Variants in ATP13A2 observed in about 807,000 individuals in gnomAD.
ATP13A2 encodes the protein polyamine-transporting ATPase 13A2.
A neutral mutation model predicts 138.3 loss-of-function variants in ATP13A2; 83 were observed. The observed-to-expected ratio is 0.60, with a 90% CI of 0.50 to 0.72. The LOEUF is 0.72. ATP13A2 is among the 30% of genes least tolerant of loss of function. ATP13A2 has a pLI of 0.00. For missense variants in ATP13A2, 1,402 were observed against 1,606.4 expected (o/e 0.87, Z 2.17); for synonymous variants, 663 against 699.0 (o/e 0.95, Z 0.81).
intron 23 of ATP13A2, 89 bp from the exon 24 acceptor site, chr1:16,988,563 T>G: frequency 1.3e-6 from 2 of 1,542,500 alleles, no homozygotes; most frequent in South Asian, 2.2e-5. Flanking sequence ...GCTGGGCCCC[T>G]AATGCCACAT....
At position 16,993,817 on chromosome 1, in the gene ATP13A2, C is replaced by T. The variant is rs771273433; in HGVS notation, c.1561G>A (p.Asp521Asn). ...CFDKTGTLTE[D>N]GLDVMGVVPL... ...ACCACCCCCATCACGTCTAAGCCGT[C>T]CTCAGTGAGGGTGCCCGTCTGTGGG... Residue 521 changes from aspartate (D) to asparagine (N), a missense_variant, in exon 16 of 29, where the codon GAC becomes AAC. Asp to Asn is a conservative substitution (Grantham distance 23). Coordinates refer to ENST00000326735, the MANE Select transcript of ATP13A2 (RefSeq NM_022089.4). The T allele has an allele frequency of 1.3e-6, 2 of 1,568,706 alleles. No individual in the cohort carries two copies. The highest frequency in any genetic ancestry group is 2.4e-5 in the East Asian group (1 of 42,444).
rs1445951093 is a variant in ATP13A2, at chr1:16,989,781, A to G, written c.2530-11T>C. 2.5e-6 allele frequency: 4 copies of G among 1,613,950 alleles called. No individual in the cohort carries two copies. In the South Asian group the frequency reaches 4.4e-5, roughly 18 times the overall value. On this transcript the variant is annotated splice_polypyrimidine_tract_variant and intron_variant, in intron 22 of 28. Transcript: ENST00000326735. The stretch of plus-strand genomic sequence containing the variant: ...GCCCTGGACCAGGACCTGGGAGCAC[A>G]GGGAGATGGGGGAGGGCTGAGGCAC...
chr1:17,004,725 G>C lies in ATP13A2; in HGVS notation c.444C>G (p.Leu148=). 1 of 1,614,130 alleles carries C rather than the reference G, an allele frequency of 6.2e-7. No homozygotes were observed. Among genetic ancestry groups the C allele is most frequent in the Non-Finnish European group, 8.5e-7 (1 of 1,180,028 alleles). Residue 148 remains leucine (L), a synonymous_variant, in exon 5 of 29, where the codon CTC becomes CTG. Transcript: ENST00000326735. This position sits in a 1 kb window ranked among gnomAD's most constrained non-coding sequence, Gnocchi z 4.1. ...CACTCACCGCCTCCTCGCTCTTGTG[G>C]AGCTGGGCCGTATCCTTCCAGGCAC... is the stretch of plus-strand genomic sequence containing the variant. ...PEGAWKDTAQ[L]HKSEEAVSVG...
In ATP13A2 at chr1:17,005,660, C is replaced by T. The variant is rs189404393; in HGVS notation, c.105+24G>A. 580 of 1,613,428 alleles carry T rather than the reference C, an allele frequency of 3.6e-4. 9 individuals are homozygous for T. In the East Asian group the frequency reaches 0.01, roughly 29 times the overall value. On this transcript the variant is annotated intron_variant, in intron 2 of 28. Coordinates refer to ENST00000326735, the MANE Select transcript of ATP13A2 (RefSeq NM_022089.4). ...TGGGCATTCACCCCCTGCAGCTTTT[C>T]CCCACCCCACTCTGCCCACTTACCA...
In ATP13A2 at chr1:16,995,059, TC is replaced by T. The variant is rs1168909575; in HGVS notation, c.1542+916del. ...CACTGCCTACCCGGCCCTGTCCTGCTCCACCACTCCCTGTGCTCAGGTACGC... is the reference window on the plus strand; with the variant it reads ...CACTGCCTACCCGGCCCTGTCCTGCTCACCACTCCCTGTGCTCAGGTACGC... On this transcript the variant is annotated intron_variant, in intron 15 of 28. Coordinates refer to ENST00000326735, the MANE Select transcript of ATP13A2 (RefSeq NM_022089.4). The surrounding 1 kb of genome is among the most constrained non-coding windows in gnomAD (Gnocchi z 4.1). 6.6e-6 allele frequency among the ~76,000 whole-genome samples: 1 copy of T among 152,146 alleles called. No individual in the cohort carries two copies. The highest frequency in any genetic ancestry group is 1.9e-4 in the East Asian group (1 of 5,196).
Position 17,004,398 on chromosome 1 carries a change from C to T in ATP13A2, c.491G>A (p.Arg164Gln), listed in dbSNP as rs776105309. 5.6e-6 allele frequency: 9 copies of T among 1,613,882 alleles called. No homozygotes were observed. Among genetic ancestry groups the T allele is most frequent in the African/African-American group, 1.3e-5 (1 of 74,900 alleles). ...GCGCTGGCCCTGGAAGAGGTAATACCGCAGCACCCGCTTCTGGGTGGGAGA... is the reference window on the plus strand; with the variant it reads ...GCGCTGGCCCTGGAAGAGGTAATACTGCAGCACCCGCTTCTGGGTGGGAGA... ...AVSVGQKRVLRYYLFQGQRYI... is the reference protein window; with the variant it reads ...AVSVGQKRVLQYYLFQGQRYI... The change falls in exon 6 of 29, where the codon CGG becomes CAG. Residue 164 changes from arginine (R) to glutamine (Q), a missense_variant. Arg to Gln is a conservative substitution (Grantham distance 43). Transcript: ENST00000326735. The surrounding 1 kb of genome is among the most constrained non-coding windows in gnomAD (Gnocchi z 4.1).
intron 15 of ATP13A2, among the ~76,000 whole-genome samples, chr1:16,994,615 T>C (rs2077052721): frequency 6.6e-6 from 1 of 152,118 alleles, no homozygotes; most frequent in Non-Finnish European, 1.5e-5. Context: ...CGCGTCTGGC[T>C]CCTTGGCTAG....
At chr1:17,001,887 C>T (rs1024955551) in intron 8 of ATP13A2, 147 bp downstream of exon 8, 25 of 815,722 alleles carry the variant, frequency 3.1e-5, no homozygotes, top group African/African-American at 2.6e-4. Flanking sequence ...AGGCTGACTG[C>T]GGCAGGTTCT....
Position 16,997,062 on chromosome 1 carries a change from C to G in ATP13A2, c.1153G>C (p.Ala385Pro). The change falls in exon 12 of 29, where the codon GCC becomes CCC. Residue 385 changes from alanine (A) to proline (P), a missense_variant. Physicochemically the swap from Ala to Pro is conservative, Grantham distance 27. Coordinates refer to ENST00000326735, the MANE Select transcript of ATP13A2 (RefSeq NM_022089.4). ...FCGTLILQAR[A>P]YVGPHVLAVV... ...GCCAGGACGTGCGGTCCCACATAGGCCCGGGCCTGCAAGATGAGGGTCCCG... is the reference window on the plus strand; with the variant it reads ...GCCAGGACGTGCGGTCCCACATAGGGCCGGGCCTGCAAGATGAGGGTCCCG... 6.2e-7 allele frequency: 1 copy of G among 1,613,292 alleles called. No individual in the cohort carries two copies. The highest frequency in any genetic ancestry group is 1.1e-5 in the South Asian group (1 of 91,054).
Position 16,986,535 on chromosome 1 carries a change from G to T in ATP13A2, c.3333C>A (p.Ile1111=), listed in dbSNP as rs765405083. The part of the protein sequence containing the change: ...LLQGPLALRN[I]TDTGFKLLLL... ...GCAGCAGCTTGAAGCCGGTGTCAGT[G>T]ATGTTCCTCAGCGCCAGCGGCCCCT... The change falls in exon 28 of 29, where the codon ATC becomes ATA. Residue 1111 remains isoleucine (I), a synonymous_variant. Coordinates refer to ENST00000326735, the MANE Select transcript of ATP13A2 (RefSeq NM_022089.4). The surrounding 1 kb of genome is among the most constrained non-coding windows in gnomAD (Gnocchi z 6.9). The T allele has an allele frequency of 3.1e-6, 5 of 1,612,692 alleles. No individual in the cohort carries two copies. Among genetic ancestry groups the T allele is most frequent in the Non-Finnish European group, 8.5e-7 (1 of 1,179,888 alleles).
In ATP13A2 at chr1:16,990,014, A is replaced by AG; in HGVS notation, c.2413-12dup. The AG allele has an allele frequency of 6.2e-7, 1 of 1,612,798 alleles. No individual in the cohort carries two copies. ...AGCCTGGTCAGGATCCTGGGGGCCC[A>AG]GGAAGCTCAGCTTAGCTCCCCCTGC... On this transcript the variant is annotated splice_polypyrimidine_tract_variant and intron_variant, in intron 21 of 28. Coordinates refer to ENST00000326735, the MANE Select transcript of ATP13A2 (RefSeq NM_022089.4).
chr1:16,997,393 C>T (rs1474571324), intron 11 of ATP13A2, among the ~76,000 whole-genome samples: 1 of 138,224 alleles, frequency 7.2e-6, no homozygotes, highest in East Asian at 2.2e-4. Context: ...AAGCAGGTGG[C>T]AGCCAGCTCC....
chr1:16,995,917 C>T lies in ATP13A2; in HGVS notation c.1542+59G>A, dbSNP rs765977342. The T allele has an allele frequency of 1.2e-6, 2 of 1,604,916 alleles. No individual in the cohort carries two copies. The highest frequency in any genetic ancestry group is 1.7e-5 in the Admixed American group (1 of 59,460). On this transcript the variant is annotated intron_variant, in intron 15 of 28. Transcript: ENST00000326735. The surrounding 1 kb of genome is among the most constrained non-coding windows in gnomAD (Gnocchi z 4.1). ...GAGAGAATAACGCGGGTGTGGAGGC[C>T]TCACTGGGGCGCCTGTGGCTGTCCC...
At chr1:16,987,407 T>A in intron 25 of ATP13A2, 138 bp from the exon 26 acceptor site, 1 of 860,242 alleles carries the variant, frequency 1.2e-6, no homozygotes, top group Admixed American at 2.0e-5. Flanking sequence ...GGCCGTACTC[T>A]CCTGCCAGCC....
In ATP13A2 at chr1:16,989,783, G is replaced by C. The variant is rs1216008683; in HGVS notation, c.2530-13C>G. 2 of 1,613,940 alleles carry C rather than the reference G, an allele frequency of 1.2e-6. No individual in the cohort carries two copies. The highest frequency in any genetic ancestry group is 1.7e-6 in the Non-Finnish European group (2 of 1,179,958). The stretch of plus-strand genomic sequence containing the variant: ...CCTGGACCAGGACCTGGGAGCACAG[G>C]GAGATGGGGGAGGGCTGAGGCACCC... On this transcript the variant is annotated splice_polypyrimidine_tract_variant and intron_variant, in intron 22 of 28. Transcript: ENST00000326735.
At chr1:17,000,673 C>G in intron 8 of ATP13A2, 139 bp from the exon 9 acceptor site, 1 of 1,099,044 alleles carries the variant, frequency 9.1e-7, no homozygotes, top group Non-Finnish European at 1.3e-6. Flanking sequence ...CCTGGTCAAT[C>G]CCATCCCCAC....
chr1:17,000,202 A>AC, intron 10 of ATP13A2, 44 bp downstream of exon 10: 4 of 401,068 alleles, frequency 1.0e-5, no homozygotes, highest in Non-Finnish European at 1.5e-5. Flanking sequence ...ATGCCCCCCC[A>AC]CCCTCCCACT....
At position 16,992,120 on chromosome 1, in the gene ATP13A2, T is replaced by C. The variant is rs981910553; in HGVS notation, c.2015A>G (p.Asp672Gly). Residue 672 changes from aspartate to glycine, a missense_variant, in exon 19 of 29, where the codon GAC becomes GGC. Coordinates refer to ENST00000326735, the MANE Select transcript of ATP13A2 (RefSeq NM_022089.4). ...ATAGCTCTGCAGCATCTGGGCGAAG[T>C]CGGTGGGCACTGCCAGGGAGAGGCA... ...GLCNPETVPT[D>G]FAQMLQSYTA... is the part of the protein sequence containing the mutation. 1.2e-6 allele frequency: 2 copies of C among 1,613,098 alleles called. No individual in the cohort carries two copies. The highest frequency in any genetic ancestry group is 1.7e-6 in the Non-Finnish European group (2 of 1,179,530).
At position 17,011,169 on chromosome 1, in the gene ATP13A2, T is replaced by C. The variant is rs2077774062; in HGVS notation, c.10+560A>G. Among the ~76,000 whole-genome samples the C allele has an allele frequency of 6.6e-6, 1 of 152,026 alleles. No individual in the cohort carries two copies. The highest frequency in any genetic ancestry group is 2.4e-5 in the African/African-American group (1 of 41,378). On this transcript the variant is annotated intron_variant, in intron 1 of 28. Coordinates refer to ENST00000326735, the MANE Select transcript of ATP13A2 (RefSeq NM_022089.4). The surrounding 1 kb of genome is among the most constrained non-coding windows in gnomAD (Gnocchi z 7.3). ...GACATCTGGCCAGGGATGGGTTGCA[T>C]GGAGGGTGTGGCCCTTGGCCCTGGG...
Sources: allele counts gnomAD v4.1 joint callset (sites outside exome capture counted in the v4.1 genomes callset), GRCh38; gene constraint gnomAD v4.1.1; non-coding constraint Gnocchi (gnomAD v3.1); transcripts MANE v1.5; gene names NCBI Gene and HGNC (gene_info 2026-07-23, HGNC 2026-07-21).